Variants in PARD3B observed in about 807,000 individuals in gnomAD.
PARD3B encodes the protein par-3 family cell polarity regulator beta, also known as partitioning defective 3 homolog B.
In PARD3B, 103 loss-of-function variants were observed where a neutral mutation model predicts 130.2. The observed-to-expected ratio is 0.79, with a 90% CI of 0.67 to 0.93. The LOEUF (loss-of-function observed/expected upper bound fraction) is 0.93, where lower values mean the gene tolerates loss of function less well. Among genes scored for constraint, PARD3B ranks in the 40% least tolerant of loss-of-function variants. PARD3B has a pLI of 0.00. For missense variants in PARD3B, 1,609 were observed against 1,499.2 expected (o/e 1.07, Z -1.21); for synonymous variants, 583 against 553.2 (o/e 1.05, Z -0.76).
At chr2:204,985,755 G>T (rs1693080750) in intron 3 of PARD3B, among the ~76,000 whole-genome samples, 1 of 152,126 alleles carries the variant, frequency 6.6e-6, no homozygotes, top group African/African-American at 2.4e-5. Context: ...GAGGGTTGGG[G>T]TGATGTGTAC....
In PARD3B at chr2:204,758,146, G is replaced by A. The variant is rs575680898; in HGVS notation, c.222+71864G>A. ...ATGTGGCAGTGTCTCATCCTCCAGG[G>A]CCTCTCCAAGTGGTATCTCTCTAGT... On this transcript the variant is annotated intron_variant, in intron 2 of 22. Coordinates refer to ENST00000406610, the MANE Select transcript of PARD3B (RefSeq NM_001302769.2). Among the ~76,000 whole-genome samples, 45 of 152,232 alleles carry A rather than the reference G, an allele frequency of 3.0e-4. 1 individual carries two copies. The highest frequency in any genetic ancestry group is 1.1e-3 in the African/African-American group (45 of 41,554).
intron 2 of PARD3B, among the ~76,000 whole-genome samples, chr2:204,933,792 GTCTC>G: frequency 6.6e-6 from 1 of 151,196 alleles, no homozygotes; most frequent in South Asian, 2.1e-4. Context: ...CTCTTTCATT[GTCTC>G]TCTAATTTAT....
At chr2:205,336,847 C>A (rs1421418335) in intron 18 of PARD3B, among the ~76,000 whole-genome samples, 1 of 152,030 alleles carries the variant, frequency 6.6e-6, no homozygotes, top group African/African-American at 2.4e-5. Context: ...AAATGTAGGC[C>A]TAGGTGCAGG....
intron 2 of PARD3B, among the ~76,000 whole-genome samples, chr2:204,931,758 A>G (rs987823240): frequency 2.6e-5 from 4 of 152,050 alleles, no homozygotes; most frequent in Non-Finnish European, 4.4e-5. Flanking sequence ...TCTTTGGGCT[A>G]CAAGTTACTT....
At chr2:205,009,054 A>G (rs1004970525) in intron 3 of PARD3B, among the ~76,000 whole-genome samples, 1 of 152,244 alleles carries the variant, frequency 6.6e-6, no homozygotes, top group Non-Finnish European at 1.5e-5. Flanking sequence ...AAGGGTACAA[A>G]TATTTGCTAA....
intron 2 of PARD3B, among the ~76,000 whole-genome samples, chr2:204,706,629 A>G (rs772081911): frequency 2.0e-5 from 3 of 152,158 alleles, no homozygotes; most frequent in Non-Finnish European, 1.5e-5. Context: ...ATAGAGGAGA[A>G]AAGTCTAGGG....
In PARD3B at chr2:204,545,553, G is replaced by GCGC. The variant is rs906253901; in HGVS notation, c.-430_-428dup. On this transcript the variant is annotated 5_prime_UTR_variant, in exon 1 of 23. Transcript: ENST00000406610. The stretch of plus-strand genomic sequence containing the variant: ...AGTTTCCTCCCAACTCTGGCCCCGT[G>GCGC]CGCCGCCGCCGCCGCCGCCCACTCC... Among the ~76,000 whole-genome samples the GCGC allele has an allele frequency of 1.8e-4, 28 of 152,056 alleles. No homozygotes were observed. The East Asian group carries it at 2.5e-3, about 14-fold the overall frequency.
chr2:205,418,091 C>T (rs543011811), intron 19 of PARD3B, among the ~76,000 whole-genome samples: 1 of 152,230 alleles, frequency 6.6e-6, no homozygotes, highest in Admixed American at 6.5e-5. Flanking sequence ...AATTTCAGGC[C>T]TAAAAGCTTA....
chr2:204,686,746 T>C (rs774047690), intron 2 of PARD3B, among the ~76,000 whole-genome samples: 4 of 152,202 alleles, frequency 2.6e-5, no homozygotes, highest in African/African-American at 9.6e-5. Flanking sequence ...AGTGATAGTC[T>C]TATTTTCACT....
At chr2:205,553,912 G>A (rs926699940) in intron 22 of PARD3B, among the ~76,000 whole-genome samples, 1 of 144,430 alleles carries the variant, frequency 6.9e-6, no homozygotes, top group Non-Finnish European at 1.5e-5. Context: ...CCCAACGGGG[G>A]AAAGAAACAA....
intron 11 of PARD3B, among the ~76,000 whole-genome samples, chr2:205,169,126 G>T (rs1212610188): frequency 6.6e-6 from 1 of 152,168 alleles, no homozygotes; most frequent in African/African-American, 2.4e-5. Flanking sequence ...GGACAACATG[G>T]TGCTTACTGG....
intron 5 of PARD3B, among the ~76,000 whole-genome samples, chr2:205,111,653 A>T (rs1229843152): frequency 6.6e-6 from 1 of 152,120 alleles, no homozygotes; most frequent in Non-Finnish European, 1.5e-5. Context: ...TCTGTAACAG[A>T]CTAAACACAT....
At chr2:204,756,802 G>T (rs767860857) in intron 2 of PARD3B, among the ~76,000 whole-genome samples, 1 of 152,142 alleles carries the variant, frequency 6.6e-6, no homozygotes, top group African/African-American at 2.4e-5. Flanking sequence ...GGGTTCCTGT[G>T]CAGGTTTGCT....
rs999699644 is a variant in PARD3B at position 205,122,280 on chromosome 2, C to T, written c.1165+331C>T. 3.3e-5 allele frequency among the ~76,000 whole-genome samples: 5 copies of T among 152,222 alleles called. No homozygotes were observed. Among genetic ancestry groups the T allele is most frequent in the South Asian group, 4.1e-4 (2 of 4,820 alleles). Reference sequence around the variant, plus strand: ...AATTCAGTTGTCCCTGTTCTGAGCACGATTAGTGATTCTTGAAGCATCCTT... The same window carrying T: ...AATTCAGTTGTCCCTGTTCTGAGCATGATTAGTGATTCTTGAAGCATCCTT... On this transcript the variant is annotated intron_variant, in intron 8 of 22. Coordinates refer to ENST00000406610, the MANE Select transcript of PARD3B (RefSeq NM_001302769.2). This position sits in a 1 kb window ranked among gnomAD's most constrained non-coding sequence, Gnocchi z 4.3.
rs889697018 is a variant in PARD3B at position 204,887,389 on chromosome 2, G to C, written c.223-77763G>C. On this transcript the variant is annotated intron_variant, in intron 2 of 22. Transcript: ENST00000406610. This position sits in a 1 kb window ranked among gnomAD's most constrained non-coding sequence, Gnocchi z 4.2. ...TTACTGAAGCCGAAGCCATTACTTG[G>C]TTGTGATTTACACAGGGAAATGGTG... 6.6e-6 allele frequency among the ~76,000 whole-genome samples: 1 copy of C among 152,134 alleles called. No individual in the cohort carries two copies. The highest frequency in any genetic ancestry group is 6.6e-5 in the Admixed American group (1 of 15,262).
chr2:205,033,711 T>C (rs921277002), intron 3 of PARD3B, among the ~76,000 whole-genome samples: 1 of 152,214 alleles, frequency 6.6e-6, no homozygotes, highest in Non-Finnish European at 1.5e-5. Context: ...ATTCAGCTCA[T>C]CCACAGAATC....
chr2:205,072,212 G>A (rs902787622), intron 4 of PARD3B, among the ~76,000 whole-genome samples: 1 of 149,990 alleles, frequency 6.7e-6, no homozygotes, highest in East Asian at 2.0e-4. Context: ...ACTTGTATTT[G>A]GACTTCATAA....
At chr2:205,483,144 G>T (rs2049309029) in intron 20 of PARD3B, among the ~76,000 whole-genome samples, 1 of 152,146 alleles carries the variant, frequency 6.6e-6, no homozygotes, top group South Asian at 2.1e-4. Flanking sequence ...ACCTTGATGG[G>T]ATTAAGCATA....
intron 18 of PARD3B, among the ~76,000 whole-genome samples, chr2:205,320,554 G>A (rs891643077): frequency 1.3e-5 from 2 of 152,152 alleles, no homozygotes; most frequent in African/African-American, 2.4e-5. Context: ...CAATAATATG[G>A]CAGGCAGATG....
Sources: gnomAD v4.1 joint callset for allele counts (sites outside exome capture counted in the v4.1 genomes callset) on GRCh38, gnomAD v4.1.1 for gene constraint, Gnocchi (gnomAD v3.1) non-coding constraint, MANE v1.5 for transcripts, NCBI Gene and HGNC (gene_info 2026-07-23, HGNC 2026-07-21) for gene names.